Variants in PDAP1 observed in about 807,000 individuals in gnomAD.
The protein encoded by PDAP1 is PDGFA associated protein 1.
A neutral mutation model predicts 28.0 loss-of-function variants in PDAP1; 13 were observed. That is an observed-to-expected ratio of 0.46 (90% confidence interval 0.30 to 0.74). The LOEUF is 0.74. PDAP1 is among the 30% of genes least tolerant of loss of function. PDAP1 has a pLI of 0.07. For synonymous variants in PDAP1, 77 were observed against 85.1 expected, an observed-to-expected ratio of 0.91 and a Z score of 0.52; for missense variants, 150 against 230.0, an observed-to-expected ratio of 0.65 and a Z score of 2.25.
At chr7:99,407,037 A>G (rs905775267) in intron 1 of PDAP1, among the ~76,000 whole-genome samples, 2 of 152,214 alleles carry the variant, frequency 1.3e-5, no homozygotes, top group Non-Finnish European at 2.9e-5. Context: ...GCACTTGGCT[A>G]TGGGACCCTG....
intron 1 of PDAP1, among the ~76,000 whole-genome samples, chr7:99,407,762 A>G (rs1262527792): frequency 6.6e-6 from 1 of 152,182 alleles, no homozygotes; most frequent in Non-Finnish European, 1.5e-5. Flanking sequence ...TATCGATTCT[A>G]AAGGGGGAAA....
At chr7:99,403,360 A>T in intron 3 of PDAP1, 38 bp downstream of exon 3, 1 of 1,232,064 alleles carries the variant, frequency 8.1e-7, no homozygotes, top group South Asian at 1.2e-5. Context: ...TGTTGAATGA[A>T]TGAGTCCAGG....
intron 5 of PDAP1, among the ~76,000 whole-genome samples, chr7:99,397,541 G>A (rs1283401760): frequency 1.3e-5 from 2 of 152,220 alleles, no homozygotes; most frequent in Non-Finnish European, 2.9e-5. Context: ...TGGGACCTGT[G>A]AGCCTCAGGC....
At chr7:99,399,318 G>A (rs1794818935) in intron 4 of PDAP1, among the ~76,000 whole-genome samples, 1 of 152,300 alleles carries the variant, frequency 6.6e-6, no homozygotes, top group African/African-American at 2.4e-5. Context: ...CCTCTAAGCT[G>A]AGCCTCAGGA....
In PDAP1 at chr7:99,396,274, C is replaced by A; in HGVS notation, c.*408G>T. On this transcript the variant is annotated 3_prime_UTR_variant, in exon 6 of 6. Coordinates refer to ENST00000350498, the MANE Select transcript of PDAP1 (RefSeq NM_014891.7). The stretch of plus-strand genomic sequence containing the variant: ...TCTCTGAATGAGCACCCAGGCAACA[C>A]AGTCCGGGGCTGTGTGTAGCAAACC... The A allele has an allele frequency of 3.6e-6, 1 of 275,502 alleles. No individual in the cohort carries two copies. Among genetic ancestry groups the A allele is most frequent in the South Asian group, 3.1e-5 (1 of 32,204 alleles). The allele number at this position is 275,502 out of a possible 1,614,324, so 17.1% of individuals were successfully genotyped here.
chr7:99,405,420 C>T (rs913021586), intron 1 of PDAP1, among the ~76,000 whole-genome samples: 4 of 145,622 alleles, frequency 2.7e-5, no homozygotes, highest in African/African-American at 7.8e-5. Flanking sequence ...AGTGCAGTGG[C>T]GCAATCTCGG....
rs1794735471 is a variant in PDAP1 at position 99,395,473 on chromosome 7, T to C, written c.*1209A>G. ...CCTGGTTGTGGAACTTCACGGGAAT[T>C]TATTTTGTCATTACAATGTTGGCAA... On this transcript the variant is annotated 3_prime_UTR_variant, in exon 6 of 6. Coordinates refer to ENST00000350498, the MANE Select transcript of PDAP1 (RefSeq NM_014891.7). The C allele has an allele frequency of 6.6e-6, 1 of 152,228 alleles. No homozygotes were observed. Among genetic ancestry groups the C allele is most frequent in the Non-Finnish European group, 1.5e-5 (1 of 68,072 alleles). The allele number at this position is 152,228 out of a possible 1,614,324, so 9.4% of individuals were successfully genotyped here.
chr7:99,397,118 T>C (rs1251234689), intron 5 of PDAP1, among the ~76,000 whole-genome samples: 1 of 152,228 alleles, frequency 6.6e-6, no homozygotes, highest in Non-Finnish European at 1.5e-5. Flanking sequence ...AGTCCTTTCC[T>C]GCTTGGGGTT....
At chr7:99,404,063 C>T (rs138427418) in intron 2 of PDAP1, among the ~76,000 whole-genome samples, 265 of 152,298 alleles carry the variant, frequency 1.7e-3, no homozygotes, top group African/African-American at 6.2e-3. Context: ...CCAAAAATGT[C>T]CCTTATAGGA....
intron 1 of PDAP1, among the ~76,000 whole-genome samples, chr7:99,405,390 C>T (rs925460868): frequency 3.5e-5 from 5 of 143,570 alleles, no homozygotes; most frequent in Admixed American, 2.1e-4. Flanking sequence ...GACGGAGTCT[C>T]GCTCTGTCAC....
rs184262948 is a variant in PDAP1, at chr7:99,405,792, G to C, written c.14-839C>G. ...CACGAAGTTTAGAGTCCAACTCCCAGGTTCTACGCTTACTGGCTTGATGAC... is the reference window on the plus strand; with the variant it reads ...CACGAAGTTTAGAGTCCAACTCCCACGTTCTACGCTTACTGGCTTGATGAC... On this transcript the variant is annotated intron_variant, in intron 1 of 5. Coordinates refer to ENST00000350498, the MANE Select transcript of PDAP1 (RefSeq NM_014891.7). 7.0e-4 allele frequency among the ~76,000 whole-genome samples: 107 copies of C among 152,258 alleles called. 2 individuals carry two copies. Among genetic ancestry groups the C allele is most frequent in the Admixed American group, 6.7e-3 (103 of 15,278 alleles).
At chr7:99,400,671 G>T (rs888566807) in intron 3 of PDAP1, among the ~76,000 whole-genome samples, 1 of 152,168 alleles carries the variant, frequency 6.6e-6, no homozygotes, top group South Asian at 2.1e-4. Context: ...GGAAGTAGGT[G>T]GTAGATGAGA....
intron 4 of PDAP1, among the ~76,000 whole-genome samples, chr7:99,398,739 G>C (rs1584418687): frequency 2.6e-5 from 4 of 152,206 alleles, no homozygotes; most frequent in Admixed American, 2.6e-4. Flanking sequence ...TGAAGAAGTG[G>C]AGGAAGCAGC....
intron 4 of PDAP1, 93 bp from the exon 5 acceptor site, chr7:99,398,106 A>G: frequency 6.9e-7 from 1 of 1,449,188 alleles, no homozygotes; most frequent in African/African-American, 1.4e-5. Flanking sequence ...GATTCGGCCT[A>G]GGGCCGAGGT....
At chr7:99,408,204 C>T (rs973134679) in intron 1 of PDAP1, among the ~76,000 whole-genome samples, 15 of 152,146 alleles carry the variant, frequency 9.9e-5, no homozygotes, top group African/African-American at 3.6e-4. Context: ...AAGCGCGGGA[C>T]GCGGTGACTC....
chr7:99,404,317 T>C (rs1295195319), intron 2 of PDAP1, among the ~76,000 whole-genome samples: 2 of 152,112 alleles, frequency 1.3e-5, no homozygotes, highest in Non-Finnish European at 2.9e-5. Flanking sequence ...ATGTATTCTA[T>C]TTCCTAACGG....
At position 99,396,747 on chromosome 7, in the gene PDAP1, G is replaced by C. The variant is rs1485805473; in HGVS notation, c.488-7C>G. The C allele has an allele frequency of 6.2e-7, 1 of 1,611,124 alleles. No individual in the cohort carries two copies. The highest frequency in any genetic ancestry group is 8.5e-7 in the Non-Finnish European group (1 of 1,178,588). On this transcript the variant is annotated splice_region_variant and splice_polypyrimidine_tract_variant and intron_variant, in intron 5 of 5. Coordinates refer to ENST00000350498, the MANE Select transcript of PDAP1 (RefSeq NM_014891.7). ...AATGTGGCATCGTCTTTTGCTGAGG[G>C]GTGGGAGAAGGGCAGGGGTTAAAAC...
chr7:99,406,806 T>A (rs757437133), intron 1 of PDAP1, among the ~76,000 whole-genome samples: 28 of 152,180 alleles, frequency 1.8e-4, no homozygotes, highest in Non-Finnish European at 3.2e-4. Context: ...CTCCTCTGAT[T>A]CCTTACAGCA....
intron 3 of PDAP1, among the ~76,000 whole-genome samples, chr7:99,402,516 G>C (rs910682075): frequency 1.5e-4 from 22 of 149,340 alleles, no homozygotes; most frequent in Admixed American, 8.1e-4. Flanking sequence ...TGAGGCTGCG[G>C]TGCTTCACTG....
Sources: gnomAD v4.1 joint callset for allele counts (sites outside exome capture counted in the v4.1 genomes callset) on GRCh38, gnomAD v4.1.1 for gene constraint, MANE v1.5 for transcripts, NCBI Gene and HGNC (gene_info 2026-07-23, HGNC 2026-07-21) for gene names.